NAALADL2: variants seen among roughly 807,000 people sequenced by gnomAD.
NAALADL2 encodes N-acetylated alpha-linked acidic dipeptidase like 2.
Under a neutral mutation model 87.2 loss-of-function variants are expected in NAALADL2, and 76 were observed. The observed-to-expected ratio is 0.87, with a 90% confidence interval of 0.72 to 1.05. NAALADL2 has a LOEUF of 1.05. Ranked by LOEUF, NAALADL2 falls within the 50% of genes least tolerant of loss-of-function variation. The pLI is 0.00. For synonymous variants in NAALADL2, 354 were observed against 331.0 expected (o/e 1.07, Z -0.75); for missense variants, 1,089 against 945.8 (o/e 1.15, Z -1.99).
intron 1 of NAALADL2, among the ~76,000 whole-genome samples, chr3:174,891,190 C>G (rs904888929): frequency 2.6e-5 from 4 of 151,988 alleles, no homozygotes; most frequent in Non-Finnish European, 5.9e-5. Context: ...TGTTAGTAAC[C>G]ATTCTTAATA....
chr3:174,863,975 C>T, intron 1 of NAALADL2: 2 of 443,228 alleles, frequency 4.5e-6, no homozygotes, highest in East Asian at 7.1e-5. Context: ...GGTAACAGGA[C>T]ATCTTGGAGT....
At chr3:174,609,771 A>G (rs898408111) in intron 2 of NAALADL2, among the ~76,000 whole-genome samples, 4 of 152,214 alleles carry the variant, frequency 2.6e-5, no homozygotes, top group Non-Finnish European at 4.4e-5. Flanking sequence ...TGTCATCCCC[A>G]TTAAGCTACC....
intron 2 of NAALADL2, among the ~76,000 whole-genome samples, chr3:174,727,183 ATGT>A (rs1238817650): frequency 2.0e-5 from 3 of 151,364 alleles, no homozygotes; most frequent in Non-Finnish European, 2.9e-5. Context: ...TGTGAGAAAA[ATGT>A]TGTTTTCTTG....
chr3:174,513,269 A>T (rs1289329817), intron 1 of NAALADL2, among the ~76,000 whole-genome samples: 2 of 152,182 alleles, frequency 1.3e-5, no homozygotes, highest in Admixed American at 6.5e-5. Flanking sequence ...CACCACACCC[A>T]GCCATAAGCT....
At chr3:175,572,224 C>A (rs867908602) in intron 9 of NAALADL2, among the ~76,000 whole-genome samples, 1 of 152,132 alleles carries the variant, frequency 6.6e-6, no homozygotes, top group East Asian at 1.9e-4. Flanking sequence ...TGACATGAGG[C>A]GGCTCAAAAG....
chr3:175,102,925 T>C (rs1314799672), intron 2 of NAALADL2, among the ~76,000 whole-genome samples: 2 of 151,874 alleles, frequency 1.3e-5, no homozygotes, highest in Non-Finnish European at 2.9e-5. Flanking sequence ...CTGGCCAACA[T>C]GGTGAAACCC....
At position 175,221,758 on chromosome 3, in the gene NAALADL2, G is replaced by GTTAT. The variant is rs58596469; in HGVS notation, c.546-12146_546-12143dup. 5.8e-3 allele frequency among the ~76,000 whole-genome samples: 859 copies of GTTAT among 149,086 alleles called. 2 individuals are homozygous for GTTAT. Among genetic ancestry groups the GTTAT allele is most frequent in the East Asian group, 8.7e-3 (44 of 5,066 alleles). On this transcript the variant is annotated intron_variant, in intron 2 of 13. Coordinates refer to ENST00000454872, the MANE Select transcript of NAALADL2 (RefSeq NM_207015.3). The stretch of plus-strand genomic sequence containing the variant: ...ATTTTTGTAGAGTAGATATTCAGTG[G>GTTAT]TTATTTATTTATTTATTTATTTATT...
chr3:175,597,929 CT>C (rs1346497532), intron 10 of NAALADL2, among the ~76,000 whole-genome samples: 1 of 151,964 alleles, frequency 6.6e-6, no homozygotes, highest in East Asian at 1.9e-4. Context: ...AAGAGCCATA[CT>C]CTTAAAGAAT....
intron 1 of NAALADL2, among the ~76,000 whole-genome samples, chr3:174,876,095 G>A (rs550737046): frequency 4.6e-5 from 7 of 151,830 alleles, no homozygotes; most frequent in South Asian, 4.2e-4. Flanking sequence ...GTGTATATTC[G>A]TTTTATGTGA....
intron 1 of NAALADL2, among the ~76,000 whole-genome samples, chr3:174,441,195 G>T (rs965947457): frequency 6.6e-6 from 1 of 151,928 alleles, no homozygotes; most frequent in Non-Finnish European, 1.5e-5. Flanking sequence ...CCGGGGCGCC[G>T]ACCCGGCGTG....
chr3:175,079,911 G>A (rs1717411722), intron 1 of NAALADL2, among the ~76,000 whole-genome samples: 1 of 151,746 alleles, frequency 6.6e-6, no homozygotes. Context: ...TTGATTCCTA[G>A]CAAATATAAG....
intron 2 of NAALADL2, among the ~76,000 whole-genome samples, chr3:174,691,491 A>G (rs1021670842): frequency 6.6e-6 from 1 of 152,082 alleles, no homozygotes; most frequent in African/African-American, 2.4e-5. Flanking sequence ...GCCTTCAGCA[A>G]GTCCTAATTT....
At chr3:174,786,834 A>C (rs900731253) in intron 3 of NAALADL2, among the ~76,000 whole-genome samples, 1 of 152,102 alleles carries the variant, frequency 6.6e-6, no homozygotes, top group African/African-American at 2.4e-5. Context: ...CCCTTCTTCT[A>C]CCTCTAAGAT....
intron 11 of NAALADL2, among the ~76,000 whole-genome samples, chr3:175,698,425 G>GTATGTATACATATATATGTGTATA (rs1560995379): frequency 2.3e-5 from 2 of 85,462 alleles, no homozygotes; most frequent in African/African-American, 1.5e-4. Context: ...GTATACATAT[G>GTATGTATACATATATATGTGTATA]TATGTGTATA....
At chr3:174,882,783 A>ATATATACACACG (rs1729532812) in intron 1 of NAALADL2, among the ~76,000 whole-genome samples, 1 of 106,384 alleles carries the variant, frequency 9.4e-6, no homozygotes, top group African/African-American at 4.5e-5. Context: ...ATATATACAT[A>ATATATACACACG]TGTGTATATA....
chr3:175,552,474 A>T (rs1714575033), intron 9 of NAALADL2, among the ~76,000 whole-genome samples: 1 of 152,180 alleles, frequency 6.6e-6, no homozygotes, highest in African/African-American at 2.4e-5. Flanking sequence ...AAGATGTTGA[A>T]CATCCAGTTT....
chr3:174,671,950 A>C (rs151145519), intron 2 of NAALADL2, among the ~76,000 whole-genome samples: 10 of 151,954 alleles, frequency 6.6e-5, no homozygotes, highest in African/African-American at 2.4e-4. Context: ...GATGATGATG[A>C]TGATGATGAT....
chr3:175,398,325 A>G (rs1770077725), intron 5 of NAALADL2, among the ~76,000 whole-genome samples: 1 of 148,838 alleles, frequency 6.7e-6, no homozygotes, highest in Non-Finnish European at 1.5e-5. Context: ...TTCATTCTTA[A>G]TTAGTGATGC....
intron 11 of NAALADL2, among the ~76,000 whole-genome samples, chr3:175,649,122 A>G (rs183474682): frequency 6.6e-6 from 1 of 152,284 alleles, no homozygotes; most frequent in East Asian, 1.9e-4. Flanking sequence ...ATGGACCACA[A>G]CTGCAGATAT....
Sources: gnomAD v4.1 joint callset for allele counts (sites outside exome capture counted in the v4.1 genomes callset) on GRCh38, gnomAD v4.1.1 for gene constraint, MANE v1.5 for transcripts, NCBI Gene and HGNC (gene_info 2026-07-23, HGNC 2026-07-21) for gene names.